The following TINAGL1 variants were observed in gnomAD, a reference collection of about 807,000 sequenced individuals.
The protein encoded by TINAGL1 is tubulointerstitial nephritis antigen like 1, also known as tubulointerstitial nephritis antigen-like.
A neutral mutation model predicts 62.0 loss-of-function variants in TINAGL1; 34 were observed. That is an observed-to-expected ratio of 0.55 (90% CI 0.42 to 0.73). The LOEUF (loss-of-function observed/expected upper bound fraction) is 0.73, where lower values mean the gene tolerates loss of function less well. Among genes scored for constraint, TINAGL1 ranks in the 30% least tolerant of loss-of-function variants. The pLI is 0.00. For missense variants in TINAGL1, 516 were observed against 653.2 expected (o/e 0.79, Z 2.29); for synonymous variants, 221 against 249.7 (o/e 0.88, Z 1.08).
At position 31,584,548 on chromosome 1, in the gene TINAGL1, TGCA is replaced by T. The variant is rs948321637; in HGVS notation, c.583-122_583-120del. The T allele has an allele frequency of 5.6e-6, 8 of 1,423,962 alleles. No homozygotes were observed. The African/African-American group carries it at 1.0e-4, about 18-fold the overall frequency. 88.2% of individuals were successfully genotyped at this position (1,423,962 alleles called of 1,614,324 possible). On this transcript the variant is annotated intron_variant, in intron 5 of 11. Coordinates refer to ENST00000271064, the MANE Select transcript of TINAGL1 (RefSeq NM_022164.3). The surrounding 1 kb of genome is among the most constrained non-coding windows in gnomAD (Gnocchi z 4.0). ...TCAAAATTGGAGGCAGCTGGAATCCTGCAGCAGCAGGAGGGCTCAAGATTAAAC... is the reference window on the plus strand; with the variant it reads ...TCAAAATTGGAGGCAGCTGGAATCCTGCAGCAGGAGGGCTCAAGATTAAAC...
In TINAGL1 at chr1:31,585,792, G is replaced by T; in HGVS notation, c.1133G>T (p.Gly378Val). 6.2e-7 allele frequency: 1 copy of T among 1,613,658 alleles called. No individual in the cohort carries two copies. The highest frequency in any genetic ancestry group is 1.1e-5 in the South Asian group (1 of 90,924). The change falls in exon 10 of 12, where the codon GGA (glycine) becomes GTA (valine). Residue 378 changes from glycine (G) to valine (V), a missense_variant. Coordinates refer to ENST00000271064, the MANE Select transcript of TINAGL1 (RefSeq NM_022164.3). The surrounding 1 kb of genome is among the most constrained non-coding windows in gnomAD (Gnocchi z 4.3). ...CATGAGGACTTCTTCCTATACAAGG[G>T]AGGCATCTACAGCCACACGCCAGTG... ...EVHEDFFLYK[G>V]GIYSHTPVSL...
At position 31,583,537 on chromosome 1, in the gene TINAGL1, C is replaced by A; in HGVS notation, c.544C>A (p.Arg182Ser). ...EGIRYRLGTIRPSSSVMNMHE... is the reference protein window; with the variant it reads ...EGIRYRLGTISPSSSVMNMHE... ...CATTCGCTACCGCCTGGGCACCATC[C>A]GCCCATCTTCCTCGGTCATGAACAT... Residue 182 changes from arginine (R) to serine (S), a missense_variant, in exon 5 of 12, where the codon CGC (arginine) becomes AGC (serine). By Grantham distance (110) the Arg-to-Ser change is moderately radical (BLOSUM62 -1). Coordinates refer to ENST00000271064, the MANE Select transcript of TINAGL1 (RefSeq NM_022164.3). This position sits in a 1 kb window ranked among gnomAD's most constrained non-coding sequence, Gnocchi z 4.4. 1 of 1,613,980 alleles carries A rather than the reference C, an allele frequency of 6.2e-7. No individual in the cohort carries two copies. Among genetic ancestry groups the A allele is most frequent in the Non-Finnish European group, 8.5e-7 (1 of 1,179,982 alleles).
At chr1:31,580,485 T>A in intron 3 of TINAGL1, 1 of 1,289,064 alleles carries the variant, frequency 7.8e-7, no homozygotes. Flanking sequence ...TCTAGTCGGG[T>A]GCTGCTGCCT....
In TINAGL1 at chr1:31,585,533, TGA is replaced by T; in HGVS notation, c.1093+52_1093+53del. ...CTGGTTCCAGAAGCTTGTGCCTGCT[TGA>T]GAGTGGGCACAGTAGCACAAGTGGC... On this transcript the variant is annotated intron_variant, in intron 9 of 11. Coordinates refer to ENST00000271064, the MANE Select transcript of TINAGL1 (RefSeq NM_022164.3). The surrounding 1 kb of genome is among the most constrained non-coding windows in gnomAD (Gnocchi z 4.3). 6.2e-7 allele frequency: 1 copy of T among 1,609,360 alleles called. No individual in the cohort carries two copies. Among genetic ancestry groups the T allele is most frequent in the Non-Finnish European group, 8.5e-7 (1 of 1,176,706 alleles).
chr1:31,580,678 G>C, intron 3 of TINAGL1: 2 of 1,287,884 alleles, frequency 1.6e-6, no homozygotes, highest in South Asian at 2.5e-5. Context: ...AACATTGGAG[G>C]TGGGAGCCTT....
In TINAGL1 at chr1:31,585,210, C is replaced by G. The variant is rs1208603706; in HGVS notation, c.917C>G (p.Ala306Gly). 1 of 1,611,032 alleles carries G rather than the reference C, an allele frequency of 6.2e-7. No homozygotes were observed. The highest frequency in any genetic ancestry group is 1.1e-5 in the South Asian group (1 of 90,658). The change falls in exon 8 of 12, where the codon GCG becomes GGG. Residue 306 changes from alanine to glycine, a missense_variant. Coordinates refer to ENST00000271064, the MANE Select transcript of TINAGL1 (RefSeq NM_022164.3). This position sits in a 1 kb window ranked among gnomAD's most constrained non-coding sequence, Gnocchi z 4.3. ...CGTGAACGAGACGAGGCTGGCCCTG[C>G]GCCCCCCTGTATGATGCACAGCCGA... ...SGRERDEAGP[A>G]PPCMMHSRAM... is the part of the protein sequence containing the mutation.
In TINAGL1 at chr1:31,576,968, C is replaced by T. The variant is rs942077656; in HGVS notation, c.-15-166C>T. The T allele has an allele frequency of 1.6e-6, 1 of 615,476 alleles. No individual in the cohort carries two copies. The highest frequency in any genetic ancestry group is 1.8e-5 in the African/African-American group (1 of 54,146). 38.1% of individuals were successfully genotyped at this position (615,476 alleles called of 1,614,324 possible). ...CTGCCCAGTCCCCATCCCCCTATAG[C>T]CAGGGCCCACACACTGGGGCTCCTC... On this transcript the variant is annotated intron_variant, in intron 1 of 11. Transcript: ENST00000271064. The surrounding 1 kb of genome is among the most constrained non-coding windows in gnomAD (Gnocchi z 5.1).
intron 10 of TINAGL1, chr1:31,586,384 G>A (rs550770846): frequency 1.2e-5 from 6 of 500,698 alleles, no homozygotes; most frequent in Non-Finnish European, 2.1e-5. Flanking sequence ...ATCCCCAAGT[G>A]AGGGAGGGCA....
At position 31,587,196 on chromosome 1, in the gene TINAGL1, C is replaced by A. The variant is rs897339882; in HGVS notation, c.*217C>A. ...GAGCCCCCAGACCTCCCAGTGGGGA[C>A]GGGGCAGGGCCTGGCCTGGGAAGAG... On this transcript the variant is annotated 3_prime_UTR_variant, in exon 12 of 12. Transcript: ENST00000271064. 3.3e-6 allele frequency: 2 copies of A among 606,732 alleles called. No individual in the cohort carries two copies. Among genetic ancestry groups the A allele is most frequent in the Non-Finnish European group, 4.8e-6 (2 of 414,978 alleles). 37.6% of individuals were successfully genotyped at this position (606,732 alleles called of 1,614,324 possible).
Position 31,587,503 on chromosome 1 carries a change from GA to G in TINAGL1, c.*525del, listed in dbSNP as rs999456909. ...GGCTAATTTTTGTATTTTTTGTAAA[GA>G]GGGGGGTCTCACTGTGTTGCCCAGG... On this transcript the variant is annotated 3_prime_UTR_variant, in exon 12 of 12. Coordinates refer to ENST00000271064, the MANE Select transcript of TINAGL1 (RefSeq NM_022164.3). 6.6e-6 allele frequency: 1 copy of G among 152,160 alleles called. No homozygotes were observed. Among genetic ancestry groups the G allele is most frequent in the African/African-American group, 2.4e-5 (1 of 41,408 alleles). The allele number at this position is 152,160 out of a possible 1,614,324, so 9.4% of individuals were successfully genotyped here.
intron 3 of TINAGL1, among the ~76,000 whole-genome samples, chr1:31,581,448 G>A (rs1639243264): frequency 6.6e-6 from 1 of 152,150 alleles, no homozygotes; most frequent in Non-Finnish European, 1.5e-5. Flanking sequence ...GCTGATGGGG[G>A]ACATGTGGGC....
At position 31,584,527 on chromosome 1, in the gene TINAGL1, A is replaced by G. The variant is rs1639333174; in HGVS notation, c.583-151A>G. ...TGCTTGGTTCTTCAACACAAGTCAA[A>G]ATTGGAGGCAGCTGGAATCCTGCAG... On this transcript the variant is annotated intron_variant, in intron 5 of 11. Coordinates refer to ENST00000271064, the MANE Select transcript of TINAGL1 (RefSeq NM_022164.3). The surrounding 1 kb of genome is among the most constrained non-coding windows in gnomAD (Gnocchi z 4.0). 2 of 1,296,156 alleles carry G rather than the reference A, an allele frequency of 1.5e-6. No homozygotes were observed. The highest frequency in any genetic ancestry group is 1.1e-6 in the Non-Finnish European group (1 of 931,356). The allele number at this position is 1,296,156 out of a possible 1,614,324, so 80.3% of individuals were successfully genotyped here. A position where few individuals can be genotyped will look rare whatever the true frequency, so the allele number is the denominator to read the frequency against.
intron 10 of TINAGL1, 184 bp downstream of exon 10, chr1:31,586,060 C>A: frequency 1.3e-6 from 1 of 748,690 alleles, no homozygotes; most frequent in Non-Finnish European, 2.0e-6. Context: ...GGTTGGGAGC[C>A]TCTGAAGGCT....
At chr1:31,580,198 T>TGTCC in intron 3 of TINAGL1, 1 of 468,888 alleles carries the variant, frequency 2.1e-6, no homozygotes. Flanking sequence ...TCTCTCTCTC[T>TGTCC]CTCTCTCTCT....
At chr1:31,581,200 T>C (rs1557558886) in intron 3 of TINAGL1, among the ~76,000 whole-genome samples, 1 of 152,132 alleles carries the variant, frequency 6.6e-6, no homozygotes, top group Admixed American at 6.5e-5. Flanking sequence ...GATTCTGCAT[T>C]TTGTTTGGAG....
In TINAGL1 at chr1:31,577,710, G is replaced by A. The variant is rs558804341; in HGVS notation, c.310+252G>A. On this transcript the variant is annotated intron_variant, in intron 2 of 11. Coordinates refer to ENST00000271064, the MANE Select transcript of TINAGL1 (RefSeq NM_022164.3). This position sits in a 1 kb window ranked among gnomAD's most constrained non-coding sequence, Gnocchi z 5.4. ...CAATCCTGTCTCTTTTCCAGACACG[G>A]AAGGTGCTGGCCGCACCTGCTGACT... is the stretch of plus-strand genomic sequence containing the variant. The A allele has an allele frequency of 2.6e-5, 14 of 534,034 alleles. No individual in the cohort carries two copies. Among genetic ancestry groups the A allele is most frequent in the South Asian group, 7.9e-5 (3 of 37,974 alleles). The allele number at this position is 534,034 out of a possible 1,614,324, so 33.1% of individuals were successfully genotyped here.
intron 2 of TINAGL1, among the ~76,000 whole-genome samples, chr1:31,578,657 G>GGT (rs10577315): frequency 0.022 from 1,718 of 77,722 alleles, 120 homozygotes; most frequent in African/African-American, 0.058. Flanking sequence ...AGTGAGAGCT[G>GGT]GTGTGTGTGT....
At chr1:31,578,939 TG>T (rs368427405) in intron 2 of TINAGL1, among the ~76,000 whole-genome samples, 83,623 of 83,912 alleles carry the variant, frequency 1, 41,676 homozygotes, top group Non-Finnish European at 1. Context: ...CAGTGAGAGC[TG>T]GTATGTGTGT....
At chr1:31,580,219 C>G (rs779586092) in intron 3 of TINAGL1, 8 of 820,540 alleles carry the variant, frequency 9.7e-6, no homozygotes, top group Non-Finnish European at 1.3e-5. Flanking sequence ...CTCTGTCTCT[C>G]TCTCTCTGTC....
Sources: gnomAD v4.1 joint callset for allele counts (sites outside exome capture counted in the v4.1 genomes callset) on GRCh38, gnomAD v4.1.1 for gene constraint, Gnocchi (gnomAD v3.1) non-coding constraint, MANE v1.5 for transcripts, NCBI Gene and HGNC (gene_info 2026-07-23, HGNC 2026-07-21) for gene names.